PDS5A: variants seen among roughly 807,000 people sequenced by gnomAD.
PDS5A encodes the protein sister chromatid cohesion protein PDS5 homolog A.
Under a neutral mutation model 167.1 loss-of-function variants are expected in PDS5A, and 42 were observed. The ratio of observed to expected loss-of-function variants is 0.25; its 90% CI spans 0.20 to 0.33. PDS5A has a LOEUF of 0.33. Ranked by LOEUF, PDS5A falls within the 10% of genes least tolerant of loss-of-function variation. The pLI is 1.00. For synonymous variants in PDS5A, 553 were observed against 554.6 expected (o/e 1.00, Z 0.04); for missense variants, 1,033 against 1,605.9 (o/e 0.64, Z 6.10).
At chr4:39,845,459 A>G (rs925085671) in intron 29 of PDS5A, among the ~76,000 whole-genome samples, 3 of 152,216 alleles carry the variant, frequency 2.0e-5, no homozygotes, top group Non-Finnish European at 4.4e-5. Context: ...TTGCTGTTTT[A>G]GGTGTCACCA....
Position 39,879,794 on chromosome 4 carries a change from T to G in PDS5A, c.1926A>C (p.Thr642=), listed in dbSNP as rs1720782805. 1 of 1,611,914 alleles carries G rather than the reference T, an allele frequency of 6.2e-7. No individual in the cohort carries two copies. Among genetic ancestry groups the G allele is most frequent in the African/African-American group, 1.3e-5 (1 of 75,010 alleles). Residue 642 remains threonine, a synonymous_variant, in exon 18 of 33, where the codon ACA becomes ACC. Coordinates refer to ENST00000303538, the MANE Select transcript of PDS5A (RefSeq NM_001100399.2). ...TTACACCCTCCTCTTCATCATCTGC[T>G]GTCCCCTCTATTGACTTATTCATCA... The part of the protein sequence containing the change: ...VKLMNKSIEG[T]ADDEEEGVSP...
chr4:39,910,761 G>C (rs757750126), intron 9 of PDS5A, among the ~76,000 whole-genome samples: 6 of 152,178 alleles, frequency 3.9e-5, no homozygotes, highest in Admixed American at 1.3e-4. Flanking sequence ...TTGGGAGGCG[G>C]AGACAGGTGG....
intron 31 of PDS5A, among the ~76,000 whole-genome samples, chr4:39,840,706 T>G (rs1352834206): frequency 6.6e-6 from 1 of 152,098 alleles, no homozygotes; most frequent in Non-Finnish European, 1.5e-5. Flanking sequence ...GCCTCCCGCA[T>G]AGCTGGGACT....
intron 30 of PDS5A, among the ~76,000 whole-genome samples, chr4:39,843,547 A>G (rs939963731): frequency 2.0e-5 from 3 of 151,848 alleles, no homozygotes; most frequent in Non-Finnish European, 4.4e-5. Context: ...CCCTGTCTCT[A>G]CTAAAAATAC....
chr4:39,956,765 T>C (rs1728961582), intron 2 of PDS5A, among the ~76,000 whole-genome samples: 1 of 151,976 alleles, frequency 6.6e-6, no homozygotes, highest in African/African-American at 2.4e-5. Context: ...CTTAATCTCC[T>C]TGGCTTAAAC....
At chr4:39,873,299 C>G (rs1720201468) in intron 20 of PDS5A, among the ~76,000 whole-genome samples, 155 bp from the exon 21 acceptor site, 1 of 152,104 alleles carries the variant, frequency 6.6e-6, no homozygotes, top group Non-Finnish European at 1.5e-5. Context: ...TGTTAAGACA[C>G]CTGGTTCTTA....
Position 39,898,820 on chromosome 4 carries a change from C to T in PDS5A, c.1587G>A (p.Glu529=), listed in dbSNP as rs1179216101. The stretch of plus-strand genomic sequence containing the variant: ...TTCCAAACATGGCAGAACAGTTAGC[C>T]TCTGACTGAAATTTAAAACAGAAAC... ...LLDLHKQPTS[E]ANCSAMFGKL... The change falls in exon 15 of 33, where the codon GAG becomes GAA. Residue 529 remains glutamate, a synonymous_variant. Coordinates refer to ENST00000303538, the MANE Select transcript of PDS5A (RefSeq NM_001100399.2). The T allele has an allele frequency of 1.3e-6, 2 of 1,587,792 alleles. No homozygotes were observed. The highest frequency in any genetic ancestry group is 1.7e-6 in the Non-Finnish European group (2 of 1,164,040).
At chr4:39,950,684 T>C (rs974039607) in intron 2 of PDS5A, among the ~76,000 whole-genome samples, 3 of 152,146 alleles carry the variant, frequency 2.0e-5, no homozygotes, top group South Asian at 2.1e-4. Flanking sequence ...AGGTCATGGG[T>C]TCAAAAGATT....
rs559728497 is a variant in PDS5A at position 39,889,270 on chromosome 4, G to A, written c.1886+979C>T. ...AAGCCATCTGTTTATGAAGATGAGA[G>A]GCTTCAGGAAAAAAATTAAAAATTG... On this transcript the variant is annotated intron_variant, in intron 17 of 32. Coordinates refer to ENST00000303538, the MANE Select transcript of PDS5A (RefSeq NM_001100399.2). Among the ~76,000 whole-genome samples the A allele has an allele frequency of 9.2e-5, 14 of 152,282 alleles. No homozygotes were observed. In the South Asian group the frequency reaches 2.7e-3, roughly 29 times the overall value.
At position 39,898,524 on chromosome 4, in the gene PDS5A, A is replaced by C; in HGVS notation, c.1635T>G (p.Asn545Lys). 3 of 1,555,576 alleles carry C rather than the reference A, an allele frequency of 1.9e-6. No homozygotes were observed. Among genetic ancestry groups the C allele is most frequent in the Non-Finnish European group, 2.6e-6 (3 of 1,151,394 alleles). ...MFGKLMTIAK[N>K]LPDPGKAQDF... ...CTTGTGCTTTCCCGGGGTCAGGCAA[A>C]TTCTCTATAAAATTAAAAGAGAATC... is the stretch of plus-strand genomic sequence containing the variant. Residue 545 changes from asparagine (N) to lysine (K), a missense_variant, in exon 16 of 33, where the codon AAT becomes AAG. Transcript: ENST00000303538.
chr4:39,925,801 AAG>A, intron 5 of PDS5A, 33 bp downstream of exon 5: 2 of 817,998 alleles, frequency 2.4e-6, no homozygotes, highest in Non-Finnish European at 3.9e-6. Flanking sequence ...AATCAAGAAA[AAG>A]AGACAAACAG....
chr4:39,938,933 G>A (rs919294137), intron 2 of PDS5A, among the ~76,000 whole-genome samples: 14 of 151,478 alleles, frequency 9.2e-5, no homozygotes, highest in African/African-American at 3.2e-4. Context: ...TCACACCACC[G>A]CACTCCAGCC....
At chr4:39,861,485 T>C (rs774525365) in intron 26 of PDS5A, among the ~76,000 whole-genome samples, 3 of 152,130 alleles carry the variant, frequency 2.0e-5, no homozygotes, top group Non-Finnish European at 4.4e-5. Context: ...GAGAGACTGG[T>C]TAATGGGTAC....
At chr4:39,901,266 C>CTT (rs772230554) in intron 13 of PDS5A, among the ~76,000 whole-genome samples, 8,789 of 121,062 alleles carry the variant, frequency 0.073, 442 homozygotes, top group Middle Eastern at 0.091. Flanking sequence ...TCTTTTCTTT[C>CTT]TTTTTTTTTT....
At chr4:39,976,795 C>T (rs1731134870) in intron 1 of PDS5A, among the ~76,000 whole-genome samples, 178 bp from the exon 2 acceptor site, 1 of 152,228 alleles carries the variant, frequency 6.6e-6, no homozygotes, top group Non-Finnish European at 1.5e-5. Context: ...CCAACCCGGC[C>T]CTGCCAGCCC....
intron 2 of PDS5A, among the ~76,000 whole-genome samples, chr4:39,933,804 GA>G (rs1726316670): frequency 6.6e-6 from 1 of 152,176 alleles, no homozygotes; most frequent in Admixed American, 6.5e-5. Context: ...ACTGAGGCAG[GA>G]AAGATAAAAG....
At chr4:39,971,834 T>C (rs1041918075) in intron 2 of PDS5A, among the ~76,000 whole-genome samples, 1 of 152,132 alleles carries the variant, frequency 6.6e-6, no homozygotes, top group African/African-American at 2.4e-5. Flanking sequence ...CCTGAATTTA[T>C]AAAATTATCA....
At chr4:39,966,284 AAAT>A (rs1189600382) in intron 2 of PDS5A, among the ~76,000 whole-genome samples, 2 of 152,366 alleles carry the variant, frequency 1.3e-5, no homozygotes, top group Admixed American at 6.5e-5. Context: ...ATGGAAGTAA[AAAT>A]AATTACAACC....
At chr4:39,917,271 ATAATT>A (rs1724478166) in intron 7 of PDS5A, 83 bp from the exon 8 acceptor site, 4 of 896,070 alleles carry the variant, frequency 4.5e-6, no homozygotes, top group African/African-American at 3.6e-5. Flanking sequence ...TTTTTTATAA[ATAATT>A]TAATTAGGTA....
Sources: gnomAD v4.1 joint callset for allele counts (sites outside exome capture counted in the v4.1 genomes callset) on GRCh38, gnomAD v4.1.1 for gene constraint, MANE v1.5 for transcripts, NCBI Gene and HGNC (gene_info 2026-07-23, HGNC 2026-07-21) for gene names.